The following SMAP1 variants were observed in gnomAD, a reference collection of about 807,000 sequenced individuals.
The protein encoded by SMAP1 is stromal membrane-associated protein 1.
SMAP1 carries 24 observed loss-of-function variants against 58.5 expected under a neutral mutation model. The ratio of observed to expected loss-of-function variants is 0.41; its 90% CI spans 0.30 to 0.58. SMAP1 has a LOEUF of 0.58. Ranked by LOEUF, SMAP1 falls within the 20% of genes least tolerant of loss-of-function variation. The probability of loss-of-function intolerance (pLI) is 0.29; values close to 1 mark genes in which losing one functional copy is unlikely to be tolerated. For synonymous variants in SMAP1, 216 were observed against 196.6 expected, an observed-to-expected ratio of 1.10 and a Z score of -0.82; for missense variants, 563 against 566.3, an observed-to-expected ratio of 0.99 and a Z score of 0.06.
chr6:70,783,418 G>C (rs1340675270), intron 4 of SMAP1, among the ~76,000 whole-genome samples: 1 of 152,220 alleles, frequency 6.6e-6, no homozygotes. Flanking sequence ...AAGGAACGCA[G>C]TTCCTCACCA....
intron 4 of SMAP1, among the ~76,000 whole-genome samples, chr6:70,779,216 G>A (rs918779920): frequency 6.6e-6 from 1 of 152,204 alleles, no homozygotes; most frequent in Non-Finnish European, 1.5e-5. Flanking sequence ...AGGTGCCAGG[G>A]ACTTGGCTGC....
At chr6:70,753,723 C>G (rs866040090) in intron 2 of SMAP1, among the ~76,000 whole-genome samples, 3 of 151,962 alleles carry the variant, frequency 2.0e-5, no homozygotes, top group Non-Finnish European at 4.4e-5. Flanking sequence ...AATTTTGAAG[C>G]TCAGATTTAT....
intron 7 of SMAP1, among the ~76,000 whole-genome samples, chr6:70,842,491 T>C (rs1256279100): frequency 6.6e-6 from 1 of 152,062 alleles, no homozygotes; most frequent in Non-Finnish European, 1.5e-5. Context: ...TCACAGACTT[T>C]AGAAGAGAGC....
At chr6:70,674,160 C>T (rs1179681831) in intron 1 of SMAP1, among the ~76,000 whole-genome samples, 3 of 150,578 alleles carry the variant, frequency 2.0e-5, no homozygotes, top group African/African-American at 4.9e-5. Flanking sequence ...CTCACTCTGT[C>T]GCTGGGCTGG....
intron 7 of SMAP1, among the ~76,000 whole-genome samples, chr6:70,839,611 G>A (rs1478853737): frequency 6.6e-6 from 1 of 152,112 alleles, no homozygotes; most frequent in Admixed American, 6.5e-5. Context: ...ATATAAGGGG[G>A]ATTTTGCAAT....
At chr6:70,785,356 G>T (rs1767964465) in intron 4 of SMAP1, among the ~76,000 whole-genome samples, 1 of 152,116 alleles carries the variant, frequency 6.6e-6, no homozygotes, top group South Asian at 2.1e-4. Flanking sequence ...AAGCAGGAAA[G>T]ATCCAAAAGT....
At chr6:70,839,386 A>C (rs1770718159) in intron 7 of SMAP1, among the ~76,000 whole-genome samples, 2 of 152,204 alleles carry the variant, frequency 1.3e-5, no homozygotes, top group Non-Finnish European at 2.9e-5. Flanking sequence ...TTTCTAAAGT[A>C]GTCAGCTCTT....
At chr6:70,683,261 C>G (rs1766800740) in intron 1 of SMAP1, among the ~76,000 whole-genome samples, 1 of 150,580 alleles carries the variant, frequency 6.6e-6, no homozygotes, top group Non-Finnish European at 1.5e-5. Context: ...ACCTCCGCCT[C>G]CCGTGTTCAA....
intron 1 of SMAP1, chr6:70,668,466 A>G: frequency 7.1e-7 from 1 of 1,418,110 alleles, no homozygotes; most frequent in Non-Finnish European, 9.2e-7. Context: ...GGAGCGCGGA[A>G]CCGGGCACGG....
At chr6:70,826,482 T>G (rs1394178325) in intron 6 of SMAP1, among the ~76,000 whole-genome samples, 1 of 152,124 alleles carries the variant, frequency 6.6e-6, no homozygotes, top group East Asian at 1.9e-4. Context: ...GAACAGTTCC[T>G]GGCTGGCATG....
chr6:70,776,236 G>A (rs1767541667), intron 4 of SMAP1, among the ~76,000 whole-genome samples: 1 of 152,012 alleles, frequency 6.6e-6, no homozygotes, highest in African/African-American at 2.4e-5. Flanking sequence ...AGACTGGAGT[G>A]CAGTGGCGCA....
At chr6:70,784,095 G>C (rs1767892102) in intron 4 of SMAP1, among the ~76,000 whole-genome samples, 1 of 152,192 alleles carries the variant, frequency 6.6e-6, no homozygotes, top group African/African-American at 2.4e-5. Flanking sequence ...CAGACTAACA[G>C]CTGACCTCTC....
At chr6:70,738,467 A>C (rs1311502697) in intron 2 of SMAP1, among the ~76,000 whole-genome samples, 2 of 152,006 alleles carry the variant, frequency 1.3e-5, no homozygotes, top group African/African-American at 2.4e-5. Context: ...GAAAAAAAAA[A>C]AAAAACCAGT....
intron 6 of SMAP1, among the ~76,000 whole-genome samples, chr6:70,805,289 A>G (rs1451481794): frequency 6.6e-6 from 1 of 152,126 alleles, no homozygotes. Context: ...CACTTGATCA[A>G]ATCAGCTATT....
chr6:70,815,069 T>C (rs1367139695), intron 6 of SMAP1, among the ~76,000 whole-genome samples: 1 of 152,188 alleles, frequency 6.6e-6, no homozygotes, highest in Non-Finnish European at 1.5e-5. Flanking sequence ...ATAAAATTTA[T>C]CTGCTGTAGG....
chr6:70,777,607 G>T (rs917213072), intron 4 of SMAP1, among the ~76,000 whole-genome samples: 2 of 151,952 alleles, frequency 1.3e-5, no homozygotes, highest in African/African-American at 4.8e-5. Context: ...AAGCTTTTTA[G>T]TTTGATGTAG....
chr6:70,860,197 C>T lies in SMAP1; in HGVS notation c.1270-3C>T, dbSNP rs1184587881. 1.2e-6 allele frequency: 2 copies of T among 1,603,490 alleles called. No homozygotes were observed. The highest frequency in any genetic ancestry group is 1.1e-5 in the South Asian group (1 of 88,836). ...TGAACTAAGCCTTTTATATGTTTCA[C>T]AGATGAATCAGCAGATGGCTGGCAT... On this transcript the variant is annotated splice_region_variant and splice_polypyrimidine_tract_variant and intron_variant, in intron 10 of 10. Coordinates refer to ENST00000370455, the MANE Select transcript of SMAP1 (RefSeq NM_001044305.3).
At chr6:70,859,340 G>T in intron 10 of SMAP1, 1 of 1,548,556 alleles carries the variant, frequency 6.5e-7, no homozygotes, top group Non-Finnish European at 8.7e-7. Flanking sequence ...TAATGCAGAA[G>T]GGTGATGCTG....
At chr6:70,705,637 G>A (rs1044875780) in intron 1 of SMAP1, among the ~76,000 whole-genome samples, 3 of 152,204 alleles carry the variant, frequency 2.0e-5, no homozygotes, top group Non-Finnish European at 4.4e-5. Flanking sequence ...CACAGTTGGA[G>A]TAGACAGCAA....
Sources: gnomAD v4.1 joint callset for allele counts (sites outside exome capture counted in the v4.1 genomes callset) on GRCh38, gnomAD v4.1.1 for gene constraint, MANE v1.5 for transcripts, NCBI Gene and HGNC (gene_info 2026-07-23, HGNC 2026-07-21) for gene names.